Variants in AGBL4 observed in about 807,000 individuals in gnomAD.
The protein encoded by AGBL4 is cytosolic carboxypeptidase 6.
AGBL4 carries 58 observed loss-of-function variants against 66.4 expected under a neutral mutation model. The ratio of observed to expected loss-of-function variants is 0.87; its 90% CI spans 0.71 to 1.09. The LOEUF is 1.09. Ranked by LOEUF, AGBL4 falls within the 50% of genes least tolerant of loss-of-function variation. The pLI, the probability that AGBL4 is intolerant of heterozygous loss-of-function variation, is 0.00. For missense variants in AGBL4, 579 were observed against 631.0 expected (o/e 0.92, Z 0.88); for synonymous variants, 234 against 222.9 (o/e 1.05, Z -0.44).
chr1:49,236,028 T>TTATG (rs869045820), intron 4 of AGBL4, among the ~76,000 whole-genome samples: 1 of 151,858 alleles, frequency 6.6e-6, no homozygotes, highest in Admixed American at 6.6e-5. Context: ...ATTTATTTAT[T>TTATG]TATTGATGAT....
chr1:49,952,778 T>C (rs761377007), intron 1 of AGBL4, among the ~76,000 whole-genome samples: 7 of 151,900 alleles, frequency 4.6e-5, no homozygotes, highest in Admixed American at 3.9e-4. Flanking sequence ...GAAAAAGGCT[T>C]GCAGATACAG....
chr1:48,822,094 A>G (rs978860585), intron 6 of AGBL4, among the ~76,000 whole-genome samples: 3 of 152,344 alleles, frequency 2.0e-5, no homozygotes, highest in African/African-American at 7.2e-5. Flanking sequence ...GAGCAATTGG[A>G]CAAAACTGGG....
chr1:49,713,657 C>T (rs905104675), intron 2 of AGBL4, among the ~76,000 whole-genome samples: 1 of 151,752 alleles, frequency 6.6e-6, no homozygotes, highest in African/African-American at 2.4e-5. Flanking sequence ...TGTGAAAAAG[C>T]ATAATATGTT....
At chr1:49,707,642 T>C (rs1647312239) in intron 2 of AGBL4, among the ~76,000 whole-genome samples, 1 of 152,152 alleles carries the variant, frequency 6.6e-6, no homozygotes, top group Non-Finnish European at 1.5e-5. Context: ...CGTTTCTTCA[T>C]AGTGTCGATG....
chr1:49,132,156 G>A (rs534402019), intron 4 of AGBL4, among the ~76,000 whole-genome samples: 1 of 152,192 alleles, frequency 6.6e-6, no homozygotes, highest in South Asian at 2.1e-4. Context: ...GTGGTCACAT[G>A]GAATTCATAA....
intron 3 of AGBL4, among the ~76,000 whole-genome samples, chr1:49,520,808 A>G (rs1216607020): frequency 7.0e-6 from 1 of 141,976 alleles, no homozygotes; most frequent in African/African-American, 2.6e-5. Flanking sequence ...AAGATCACTC[A>G]CTTTTTTTTT....
At chr1:49,845,943 T>A (rs201111381) in intron 2 of AGBL4, 19 of 1,515,356 alleles carry the variant, frequency 1.3e-5, no homozygotes, top group Non-Finnish European at 1.6e-5. Flanking sequence ...AGCAAGGCAT[T>A]CAGCCACAGC....
intron 2 of AGBL4, among the ~76,000 whole-genome samples, chr1:49,727,568 G>C (rs1001540265): frequency 1.3e-5 from 2 of 152,026 alleles, no homozygotes; most frequent in African/African-American, 4.8e-5. Flanking sequence ...GCATATGATT[G>C]ACATTATTTT....
chr1:49,909,279 T>C (rs1650584899), intron 1 of AGBL4, among the ~76,000 whole-genome samples: 1 of 152,146 alleles, frequency 6.6e-6, no homozygotes, highest in Non-Finnish European at 1.5e-5. Context: ...CACACACATA[T>C]ACATACCCAC....
chr1:48,752,591 T>G (rs1352541515), intron 6 of AGBL4, among the ~76,000 whole-genome samples: 1 of 152,136 alleles, frequency 6.6e-6, no homozygotes, highest in African/African-American at 2.4e-5. Flanking sequence ...GACCGTCACA[T>G]CTGTGTTCTG....
intron 5 of AGBL4, among the ~76,000 whole-genome samples, chr1:48,956,902 G>A (rs1383716982): frequency 1.3e-5 from 2 of 152,072 alleles, no homozygotes; most frequent in African/African-American, 4.8e-5. Context: ...TATAGAGGAA[G>A]TAAATTTACT....
At chr1:49,862,432 T>C (rs1021705595) in intron 1 of AGBL4, among the ~76,000 whole-genome samples, 1 of 150,576 alleles carries the variant, frequency 6.6e-6, no homozygotes, top group African/African-American at 2.4e-5. Context: ...GATAATGGCC[T>C]TAAAGAGGAA....
At chr1:49,101,768 C>T (rs544416302) in intron 4 of AGBL4, among the ~76,000 whole-genome samples, 11 of 152,194 alleles carry the variant, frequency 7.2e-5, no homozygotes, top group Admixed American at 1.3e-4. Context: ...TGTTCTGTTC[C>T]ATTTTCAATC....
chr1:49,946,874 A>G (rs971328918), intron 1 of AGBL4, among the ~76,000 whole-genome samples: 2 of 151,986 alleles, frequency 1.3e-5, no homozygotes, highest in East Asian at 3.9e-4. Context: ...AACAAGAGAT[A>G]TTACAACTGA....
chr1:49,086,853 C>T (rs910045368), intron 4 of AGBL4, among the ~76,000 whole-genome samples: 1 of 152,020 alleles, frequency 6.6e-6, no homozygotes, highest in Non-Finnish European at 1.5e-5. Context: ...CCAACTGTAG[C>T]CCCTGCCTGA....
intron 9 of AGBL4, 90 bp from the exon 10 acceptor site, chr1:48,591,075 C>A (rs1291020201): frequency 9.3e-6 from 9 of 966,880 alleles, no homozygotes; most frequent in Non-Finnish European, 1.3e-5. Flanking sequence ...ACACACCCCC[C>A]ACACACACCC....
chr1:49,009,592 C>T (rs1351321136), intron 5 of AGBL4, among the ~76,000 whole-genome samples: 2 of 152,166 alleles, frequency 1.3e-5, no homozygotes, highest in East Asian at 3.9e-4. Context: ...GAATTTTAGA[C>T]CAATATCCTT....
At chr1:49,216,357 A>C (rs1423878249) in intron 4 of AGBL4, among the ~76,000 whole-genome samples, 2 of 151,818 alleles carry the variant, frequency 1.3e-5, no homozygotes, top group African/African-American at 4.8e-5. Context: ...ATCCTAACAC[A>C]CAGATAGCAA....
At chr1:48,640,558 T>C (rs762849617) in intron 8 of AGBL4, among the ~76,000 whole-genome samples, 15 of 152,248 alleles carry the variant, frequency 9.9e-5, no homozygotes, top group Non-Finnish European at 2.2e-4. Flanking sequence ...AGATAGGTAT[T>C]ATTAATCCTC....
Sources: allele counts gnomAD v4.1 joint callset (sites outside exome capture counted in the v4.1 genomes callset), GRCh38; gene constraint gnomAD v4.1.1; transcripts MANE v1.5; gene names NCBI Gene and HGNC (gene_info 2026-07-23, HGNC 2026-07-21).